ATP23: variants seen among roughly 807,000 people sequenced by gnomAD.
The protein encoded by ATP23 is ATP23 metallopeptidase and ATP synthase assembly factor homolog.
ATP23 carries 24 observed loss-of-function variants against 28.5 expected under a neutral mutation model. The observed-to-expected ratio is 0.84, with a 90% confidence interval of 0.61 to 1.18. The LOEUF is 1.18. ATP23 is among the 50% of genes most tolerant of loss of function. The pLI is 0.00. For synonymous variants in ATP23, 99 were observed against 108.6 expected, an observed-to-expected ratio of 0.91 and a Z score of 0.55; for missense variants, 274 against 306.4, an observed-to-expected ratio of 0.89 and a Z score of 0.79.
chr12:57,943,375 G>A lies in ATP23; in HGVS notation c.187+1487G>A, dbSNP rs567204416. Among the ~76,000 whole-genome samples, 6 of 152,210 alleles carry A rather than the reference G, an allele frequency of 3.9e-5. No individual in the cohort carries two copies. The East Asian group carries it at 1.2e-3, about 29-fold the overall frequency. On this transcript the variant is annotated intron_variant, in intron 1 of 5. Transcript: ENST00000300145. Reference sequence around the variant, plus strand: ...AGGGGAAAATACCTTTTTTAGGGTTGTTGTGAAGAATAGATTTTATGGGGC... The same window carrying A: ...AGGGGAAAATACCTTTTTTAGGGTTATTGTGAAGAATAGATTTTATGGGGC...
At chr12:57,951,306 C>T (rs562952256) in intron 3 of ATP23, among the ~76,000 whole-genome samples, 1 of 152,270 alleles carries the variant, frequency 6.6e-6, no homozygotes, top group Non-Finnish European at 1.5e-5. Context: ...CCCTAATTAT[C>T]TCCTTTTTAT....
chr12:57,954,306 A>C (rs1159010768), intron 5 of ATP23, among the ~76,000 whole-genome samples: 2 of 152,148 alleles, frequency 1.3e-5, no homozygotes, highest in South Asian at 2.1e-4. Context: ...TTATTCTAAC[A>C]ATTCTTGACT....
At chr12:57,945,377 C>G (rs541300479) in intron 1 of ATP23, among the ~76,000 whole-genome samples, 1 of 152,070 alleles carries the variant, frequency 6.6e-6, no homozygotes, top group African/African-American at 2.4e-5. Context: ...GGACTACAGG[C>G]GTGTGCCACC....
chr12:57,956,934 G>GA lies in ATP23; in HGVS notation c.*53dup, dbSNP rs757012121. 464 of 1,507,102 alleles carry GA rather than the reference G, an allele frequency of 3.1e-4. No individual in the cohort carries two copies. Among genetic ancestry groups the GA allele is most frequent in the Admixed American group, 5.7e-4 (24 of 41,744 alleles). 93.4% of individuals were successfully genotyped at this position (1,507,102 alleles called of 1,614,324 possible). ...ATTACAGAGCTTCCATCATCATGAA[G>GA]AAAAAAAAATTTGGTTCTCAAGTGA... On this transcript the variant is annotated 3_prime_UTR_variant, in exon 6 of 6. Transcript: ENST00000300145.
chr12:57,952,852 A>G (rs1029450485), intron 4 of ATP23, among the ~76,000 whole-genome samples: 1 of 152,222 alleles, frequency 6.6e-6, no homozygotes, highest in Non-Finnish European at 1.5e-5. Context: ...GAAGTGGGCC[A>G]TTCTGTTAGC....
In ATP23 at chr12:57,941,682, CG is replaced by C. The variant is rs1956703418; in HGVS notation, c.-18del. ...GGCCGCCTGAGCCAGGAGGAAGCAG[CG>C]GCGAGGTCTGCGGGAGGCATGGCGG... On this transcript the variant is annotated 5_prime_UTR_variant, in exon 1 of 6. Transcript: ENST00000300145. 6.3e-7 allele frequency: 1 copy of C among 1,599,270 alleles called. No homozygotes were observed. The highest frequency in any genetic ancestry group is 8.5e-7 in the Non-Finnish European group (1 of 1,173,552).
At position 57,952,823 on chromosome 12, in the gene ATP23, A is replaced by G. The variant is rs1279680761; in HGVS notation, c.454-783A>G. Among the ~76,000 whole-genome samples, 6 of 152,214 alleles carry G rather than the reference A, an allele frequency of 3.9e-5. No individual in the cohort carries two copies. In the East Asian group the frequency reaches 1.2e-3, roughly 29 times the overall value. ...GAGCTCCTCAGAGGAATGAGGCCAT[A>G]ATATTGAAGAAGGAACAAGAAGTGG... is the stretch of plus-strand genomic sequence containing the variant. On this transcript the variant is annotated intron_variant, in intron 4 of 5. Coordinates refer to ENST00000300145, the MANE Select transcript of ATP23 (RefSeq NM_033276.4).
chr12:57,954,876 A>G (rs1956850519), intron 5 of ATP23, among the ~76,000 whole-genome samples: 1 of 152,192 alleles, frequency 6.6e-6, no homozygotes, highest in Admixed American at 6.5e-5. Flanking sequence ...AACTTAGTGA[A>G]TGGGAGGGAG....
At chr12:57,946,459 T>C (rs1428048848) in intron 2 of ATP23, among the ~76,000 whole-genome samples, 1 of 151,314 alleles carries the variant, frequency 6.6e-6, no homozygotes, top group Non-Finnish European at 1.5e-5. Flanking sequence ...TTTTTTTTTT[T>C]TTTTTTTTTT....
intron 4 of ATP23, among the ~76,000 whole-genome samples, chr12:57,953,379 C>T (rs117564332): frequency 6.6e-6 from 1 of 152,142 alleles, no homozygotes; most frequent in Non-Finnish European, 1.5e-5. Context: ...TTGAACTTTT[C>T]CCCATCTCTC....
chr12:57,947,016 C>T lies in ATP23; in HGVS notation c.255C>T (p.His85=). 6.2e-7 allele frequency: 1 copy of T among 1,613,940 alleles called. No homozygotes were observed. The change falls in exon 3 of 6, where the codon CAC becomes CAT. Residue 85 remains histidine, a synonymous_variant. Transcript: ENST00000300145. ...TTAGTGCTGTTAACAAAGATAGACA[C>T]TTTTCTTGCGAAGACTGTAATGGAA... ...HSGCAVNKDR[H]FSCEDCNGNV...
intron 2 of ATP23, among the ~76,000 whole-genome samples, 166 bp downstream of exon 2, chr12:57,945,839 C>G (rs1438016891): frequency 6.7e-6 from 1 of 148,888 alleles, no homozygotes; most frequent in Non-Finnish European, 1.5e-5. Flanking sequence ...GCCTTGTTCT[C>G]TTTGGACATT....
At chr12:57,951,705 T>C in intron 3 of ATP23, 53 bp from the exon 4 acceptor site, 2 of 1,601,812 alleles carry the variant, frequency 1.2e-6, no homozygotes, top group Non-Finnish European at 1.7e-6. Context: ...AGATCGAGTC[T>C]ATGGAAGGAG....
chr12:57,942,036 C>A, intron 1 of ATP23, 148 bp downstream of exon 1: 1 of 982,126 alleles, frequency 1.0e-6, no homozygotes, highest in Non-Finnish European at 1.4e-6. Context: ...GGGTTGGGAG[C>A]CTGAGGCTCA....
rs369316315 is a variant in ATP23 at position 57,946,446 on chromosome 12, ATTTT to A, written c.234-528_234-525del. On this transcript the variant is annotated intron_variant, in intron 2 of 5. Transcript: ENST00000300145. The stretch of plus-strand genomic sequence containing the variant: ...AATATGGCCATAATCAGTTGAACAA[ATTTT>A]TTTTTTTTTTTTTTTTTTTTGAGAC... Among the ~76,000 whole-genome samples, 443 of 104,006 alleles carry A rather than the reference ATTTT, an allele frequency of 4.3e-3. 27 individuals carry two copies. The South Asian group carries it at 0.12, about 29-fold the overall frequency. The allele number at this position is 104,006 out of a possible 152,430, so 68.2% of individuals were successfully genotyped here.
intron 3 of ATP23, among the ~76,000 whole-genome samples, chr12:57,947,372 A>AT (rs1427731532): frequency 6.6e-6 from 1 of 152,202 alleles, no homozygotes; most frequent in Non-Finnish European, 1.5e-5. Flanking sequence ...ATGCCAACAG[A>AT]TTCGACTAGA....
rs920823355 is a variant in ATP23 at position 57,957,618 on chromosome 12, C to A, written c.*728C>A. 2.0e-5 allele frequency among the ~76,000 whole-genome samples: 3 copies of A among 152,304 alleles called. No homozygotes were observed. The highest frequency in any genetic ancestry group is 2.1e-4 in the South Asian group (1 of 4,818). ...CCCTCCTCTCCCACACACACCCCCC[C>A]ACTGGAGAAACTGAAGGTCTGTTTG... is the stretch of plus-strand genomic sequence containing the variant. On this transcript the variant is annotated 3_prime_UTR_variant, in exon 6 of 6. Coordinates refer to ENST00000300145, the MANE Select transcript of ATP23 (RefSeq NM_033276.4).
At chr12:57,942,578 C>T (rs1364791558) in intron 1 of ATP23, among the ~76,000 whole-genome samples, 1 of 152,218 alleles carries the variant, frequency 6.6e-6, no homozygotes, top group Non-Finnish European at 1.5e-5. Flanking sequence ...CGCTCGCCAC[C>T]ACACCCTGCT....
At position 57,945,662 on chromosome 12, in the gene ATP23, A is replaced by G. The variant is rs1565873485; in HGVS notation, c.222A>G (p.Lys74=). Residue 74 remains lysine (K), a synonymous_variant, in exon 2 of 6, where the codon AAA becomes AAG. Transcript: ENST00000300145. The part of the protein sequence containing the change: ...PYVKLLLDAM[K]HSGCAVNKDR... ...TCAAACTTCTGCTTGATGCTATGAA[A>G]CACTCAGGTTGGTAAGTAACTCTTT... 1 of 1,613,754 alleles carries G rather than the reference A, an allele frequency of 6.2e-7. No individual in the cohort carries two copies. The highest frequency in any genetic ancestry group is 8.5e-7 in the Non-Finnish European group (1 of 1,179,888).
Sources: gnomAD v4.1 joint callset for allele counts (sites outside exome capture counted in the v4.1 genomes callset) on GRCh38, gnomAD v4.1.1 for gene constraint, MANE v1.5 for transcripts, NCBI Gene and HGNC (gene_info 2026-07-23, HGNC 2026-07-21) for gene names.